The following MIB1 variants were observed in gnomAD, a reference collection of about 807,000 sequenced individuals.
MIB1 encodes the protein MIB E3 ubiquitin protein ligase 1, also known as E3 ubiquitin-protein ligase MIB1.
MIB1 carries 278 observed loss-of-function variants against 124.5 expected under a neutral mutation model. The observed-to-expected ratio is 2.23, with a 90% CI of 2.02 to 2.47. The LOEUF is 2.47. Among genes scored for constraint, MIB1 ranks in the 30% most tolerant of loss-of-function variants. The pLI, the probability that MIB1 is intolerant of heterozygous loss-of-function variation, is 0.00. For missense variants in MIB1, 957 were observed against 1,254.4 expected (o/e 0.76, Z 3.58); for synonymous variants, 446 against 429.4 (o/e 1.04, Z -0.48).
chr18:21,734,950 G>GT (rs2146366574), intron 1 of MIB1, among the ~76,000 whole-genome samples: 1 of 152,310 alleles, frequency 6.6e-6, no homozygotes, highest in Non-Finnish European at 1.5e-5. Context: ...ACTCCATGCA[G>GT]TTTTTTCATA....
upstream of MIB1, among the ~76,000 whole-genome samples, chr18:21,739,737 C>G (rs903026075): frequency 5.3e-5 from 8 of 151,836 alleles, no homozygotes; most frequent in South Asian, 1.0e-3. Context: ...CACTGCCCCC[C>G]CGCTCATCTC....
chr18:21,821,317 T>C (rs1212049761), intron 12 of MIB1, among the ~76,000 whole-genome samples: 5 of 152,366 alleles, frequency 3.3e-5, no homozygotes, highest in East Asian at 3.9e-4. Context: ...CTACACACTT[T>C]GGCTTGGCAT....
rs2042194696 is a variant in MIB1, at chr18:21,853,015, T to A, written c.2587-125T>A. The stretch of plus-strand genomic sequence containing the variant: ...AAGTAGAGGATGGGAGGAAAGTGTG[T>A]GTTAAATTTCTCTGTGCCTAGGTGT... On this transcript the variant is annotated intron_variant, in intron 17 of 20. Coordinates refer to ENST00000261537, the MANE Select transcript of MIB1 (RefSeq NM_020774.4). The A allele has an allele frequency of 6.2e-6, 4 of 642,570 alleles. No individual in the cohort carries two copies. In the Admixed American group the frequency reaches 1.0e-4, roughly 16 times the overall value. The allele number at this position is 642,570 out of a possible 1,614,324, so 39.8% of individuals were successfully genotyped here. A position where few individuals can be genotyped will look rare whatever the true frequency, so the allele number is the denominator to read the frequency against.
At chr18:21,781,794 T>C (rs1483386840) in intron 6 of MIB1, among the ~76,000 whole-genome samples, 1 of 152,114 alleles carries the variant, frequency 6.6e-6, no homozygotes, top group African/African-American at 2.4e-5. Flanking sequence ...ATTTTTCAAT[T>C]TGTTGGTATA....
chr18:21,841,170 A>G (rs1280784363), intron 13 of MIB1, among the ~76,000 whole-genome samples: 1 of 152,156 alleles, frequency 6.6e-6, no homozygotes, highest in Non-Finnish European at 1.5e-5. Flanking sequence ...GTTTGATACC[A>G]GCCTGGCCAA....
At chr18:21,735,230 C>T (rs991047512) in intron 1 of MIB1, among the ~76,000 whole-genome samples, 9 of 152,132 alleles carry the variant, frequency 5.9e-5, no homozygotes, top group Admixed American at 2.6e-4. Context: ...GTGCAGCCCA[C>T]GGAGGGCATT....
chr18:21,796,885 A>G (rs2146450612), intron 7 of MIB1, among the ~76,000 whole-genome samples: 2 of 152,314 alleles, frequency 1.3e-5, no homozygotes, highest in Middle Eastern at 6.8e-3. Flanking sequence ...AGTTATTAAA[A>G]CTACACCAAT....
At chr18:21,752,693 A>G (rs1434233203) in intron 1 of MIB1, among the ~76,000 whole-genome samples, 1 of 152,244 alleles carries the variant, frequency 6.6e-6, no homozygotes, top group East Asian at 1.9e-4. Flanking sequence ...AAATCCGTAC[A>G]ACCACTTTGA....
intron 2 of MIB1, 132 bp downstream of exon 2, chr18:21,766,075 A>G: frequency 1.3e-6 from 1 of 794,722 alleles, no homozygotes; most frequent in Non-Finnish European, 2.0e-6. Flanking sequence ...ACCCAATAGT[A>G]GGATAGAAGT....
chr18:21,786,793 A>G (rs1454940881), intron 6 of MIB1, among the ~76,000 whole-genome samples: 1 of 152,160 alleles, frequency 6.6e-6, no homozygotes, highest in Admixed American at 6.5e-5. Flanking sequence ...TGATTTTGAA[A>G]ACATCATTTC....
chr18:21,741,930 T>A lies in MIB1; in HGVS notation c.229+118T>A, dbSNP rs1026258205. On this transcript the variant is annotated intron_variant, in intron 1 of 20. Coordinates refer to ENST00000261537, the MANE Select transcript of MIB1 (RefSeq NM_020774.4). The surrounding 1 kb of genome is among the most constrained non-coding windows in gnomAD (Gnocchi z 5.4). ...GGACACCTGGTGGGCAGCGCCCGGC[T>A]GGAGCGAGCGGAAAGGCAAAGCGCC... 34 of 901,110 alleles carry A rather than the reference T, an allele frequency of 3.8e-5. No homozygotes were observed. The South Asian group carries it at 5.9e-4, about 16-fold the overall frequency. 55.8% of individuals were successfully genotyped at this position (901,110 alleles called of 1,614,324 possible).
At chr18:21,816,539 A>T (rs2041830986) in intron 11 of MIB1, among the ~76,000 whole-genome samples, 1 of 152,176 alleles carries the variant, frequency 6.6e-6, no homozygotes, top group African/African-American at 2.4e-5. Flanking sequence ...TTATTTTTAA[A>T]TAAAAGTGTT....
At chr18:21,853,863 T>C (rs2042202276) in intron 18 of MIB1, among the ~76,000 whole-genome samples, 1 of 152,042 alleles carries the variant, frequency 6.6e-6, no homozygotes, top group Non-Finnish European at 1.5e-5. Context: ...AAAGATTTTA[T>C]TTTATTTTAT....
chr18:21,870,338 G>T lies in MIB1; in HGVS notation c.*5672G>T, dbSNP rs2042346467. Reference sequence around the variant, plus strand: ...AACAAGGATGTACATCTTCAATTCAGCATAAGTGTCCACATCTAGAAGGCT... The same window carrying T: ...AACAAGGATGTACATCTTCAATTCATCATAAGTGTCCACATCTAGAAGGCT... On this transcript the variant is annotated 3_prime_UTR_variant, in exon 21 of 21. Coordinates refer to ENST00000261537, the MANE Select transcript of MIB1 (RefSeq NM_020774.4). The T allele has an allele frequency of 6.6e-6, 1 of 152,048 alleles. No individual in the cohort carries two copies. Among genetic ancestry groups the T allele is most frequent in the African/African-American group, 2.4e-5 (1 of 41,388 alleles). 9.4% of individuals were successfully genotyped at this position (152,048 alleles called of 1,614,324 possible). A position where few individuals can be genotyped will look rare whatever the true frequency, so the allele number is the denominator to read the frequency against.
chr18:21,864,729 G>A lies in MIB1; in HGVS notation c.*63G>A. 1 of 1,340,104 alleles carries A rather than the reference G, an allele frequency of 7.5e-7. No individual in the cohort carries two copies. 83.0% of individuals were successfully genotyped at this position (1,340,104 alleles called of 1,614,324 possible). A position where few individuals can be genotyped will look rare whatever the true frequency, so the allele number is the denominator to read the frequency against. On this transcript the variant is annotated 3_prime_UTR_variant, in exon 21 of 21. Coordinates refer to ENST00000261537, the MANE Select transcript of MIB1 (RefSeq NM_020774.4). ...AGTCATGAGATCTTAATAGGCTTTT[G>A]ATCTAGTTGGAAGTTCTGATGAGTT... is the stretch of plus-strand genomic sequence containing the variant.
intron 6 of MIB1, among the ~76,000 whole-genome samples, chr18:21,781,415 A>ATATATATG (rs1568199129): frequency 4.0e-5 from 4 of 99,484 alleles, no homozygotes; most frequent in African/African-American, 1.6e-4. Flanking sequence ...ATATATATAT[A>ATATATATG]AAATTATTAT....
At chr18:21,781,134 G>A (rs1428775179) in intron 6 of MIB1, among the ~76,000 whole-genome samples, 2 of 151,064 alleles carry the variant, frequency 1.3e-5, no homozygotes, top group Non-Finnish European at 3.0e-5. Flanking sequence ...CCAGGCTGGC[G>A]CTGAACCCCT....
At chr18:21,717,277 G>C (rs2040693782) in intron 1 of MIB1, among the ~76,000 whole-genome samples, 3 of 152,140 alleles carry the variant, frequency 2.0e-5, no homozygotes, top group African/African-American at 7.2e-5. Context: ...TCTAAGACCT[G>C]AAACTCTAAA....
chr18:21,708,031 G>A (rs2040647849), intron 1 of MIB1, among the ~76,000 whole-genome samples: 1 of 152,050 alleles, frequency 6.6e-6, no homozygotes, highest in African/African-American at 2.4e-5. Context: ...TCCATCATAG[G>A]GACCCTGTCC....
Sources: allele counts gnomAD v4.1 joint callset (sites outside exome capture counted in the v4.1 genomes callset), GRCh38; gene constraint gnomAD v4.1.1; non-coding constraint Gnocchi (gnomAD v3.1); transcripts MANE v1.5; gene names NCBI Gene and HGNC (gene_info 2026-07-23, HGNC 2026-07-21).